NQO2: variants seen among roughly 807,000 people sequenced by gnomAD.
NQO2 encodes ribosyldihydronicotinamide dehydrogenase [quinone].
In NQO2, 18 loss-of-function variants were observed where a neutral mutation model predicts 22.0. That is an observed-to-expected ratio of 0.82 (90% CI 0.56 to 1.21). The LOEUF is 1.21. Among genes scored for constraint, NQO2 ranks in the 50% most tolerant of loss-of-function variants. The pLI is 0.00. For synonymous variants in NQO2, 106 were observed against 110.8 expected, an observed-to-expected ratio of 0.96 and a Z score of 0.28; for missense variants, 267 against 286.9, an observed-to-expected ratio of 0.93 and a Z score of 0.50.
At chr6:3,001,478 G>T (rs968463841) in intron 1 of NQO2, among the ~76,000 whole-genome samples, 4 of 152,006 alleles carry the variant, frequency 2.6e-5, no homozygotes, top group African/African-American at 9.7e-5. Context: ...TACATGAAAA[G>T]GAACAAGTAT....
intron 6 of NQO2, 149 bp downstream of exon 6, chr6:3,017,134 C>G: frequency 1.1e-6 from 1 of 911,752 alleles, no homozygotes; most frequent in Admixed American, 2.2e-5. Context: ...GCGTGATGCC[C>G]CACACCATTT....
chr6:3,007,548 A>T (rs1002756072), intron 2 of NQO2, among the ~76,000 whole-genome samples: 5 of 152,248 alleles, frequency 3.3e-5, no homozygotes, highest in African/African-American at 7.2e-5. Flanking sequence ...CAAGAGTTTA[A>T]CATCTTCTTA....
intron 5 of NQO2, among the ~76,000 whole-genome samples, chr6:3,016,477 T>C (rs1448740790): frequency 6.7e-6 from 1 of 149,528 alleles, no homozygotes; most frequent in Non-Finnish European, 1.5e-5. Flanking sequence ...TCTAAAAGCT[T>C]CAGAAAATAA....
In NQO2 at chr6:3,004,420, T is replaced by C. The variant is rs752406465; in HGVS notation, c.-85-2048T>C. The C allele has an allele frequency of 4.1e-4, 406 of 985,656 alleles. 1 individual carries two copies. Among genetic ancestry groups the C allele is most frequent in the Non-Finnish European group, 4.2e-4 (347 of 830,120 alleles). The allele number at this position is 985,656 out of a possible 1,614,324, so 61.1% of individuals were successfully genotyped here. Reference sequence around the variant, plus strand: ...CTCTTGGGGAGTGACAGTGCCCCACTCTGTTAAGTCCCATGCCTGCCCCCA... The same window carrying C: ...CTCTTGGGGAGTGACAGTGCCCCACCCTGTTAAGTCCCATGCCTGCCCCCA... On this transcript the variant is annotated intron_variant, in intron 1 of 6. Coordinates refer to ENST00000380455, the MANE Select transcript of NQO2 (RefSeq NM_000904.6).
chr6:3,017,940 T>C (rs10223369), intron 6 of NQO2, among the ~76,000 whole-genome samples: 108,409 of 152,040 alleles, frequency 0.71, 38,871 homozygotes, highest in African/African-American at 0.77. Flanking sequence ...TATTTGTCAG[T>C]GCTCTTCATA....
At chr6:3,004,586 C>T in intron 1 of NQO2, 1 of 985,560 alleles carries the variant, frequency 1.0e-6, no homozygotes, top group African/African-American at 1.7e-5. Flanking sequence ...TGCTCCTGGA[C>T]AGCTGGAGAT....
chr6:3,004,344 G>A (rs988133005), intron 1 of NQO2: 120 of 985,392 alleles, frequency 1.2e-4, no homozygotes, highest in Non-Finnish European at 1.4e-4. Context: ...AGCGAATGGG[G>A]AAGGATTTGA....
Position 3,006,919 on chromosome 6 carries a change from C to G in NQO2, c.7+360C>G. 1 of 405,158 alleles carries G rather than the reference C, an allele frequency of 2.5e-6. No individual in the cohort carries two copies. Among genetic ancestry groups the G allele is most frequent in the Non-Finnish European group, 4.4e-6 (1 of 229,866 alleles). The allele number at this position is 405,158 out of a possible 1,614,324, so 25.1% of individuals were successfully genotyped here. A position where few individuals can be genotyped will look rare whatever the true frequency, so the allele number is the denominator to read the frequency against. ...GTAGCAGGGGCTCAAGTGAATGAAC[C>G]CCAGGAGGCATCTTGGGTAAAAATT... On this transcript the variant is annotated intron_variant, in intron 2 of 6. Transcript: ENST00000380455. The surrounding 1 kb of genome is among the most constrained non-coding windows in gnomAD (Gnocchi z 4.0).
chr6:3,018,697 A>AAAGT (rs1310182396), intron 6 of NQO2, among the ~76,000 whole-genome samples: 1 of 152,162 alleles, frequency 6.6e-6, no homozygotes, highest in East Asian at 1.9e-4. Context: ...TTGAAAGGAA[A>AAAGT]AAGTACGTGA....
intron 4 of NQO2, 199 bp from the exon 5 acceptor site, chr6:3,015,331 A>G (rs1757285117): frequency 1.0e-6 from 1 of 985,290 alleles, no homozygotes; most frequent in South Asian, 4.7e-5. Context: ...TGTAACAGCA[A>G]CAAGGACCAT....
At chr6:3,003,140 C>G (rs1323661749) in intron 1 of NQO2, among the ~76,000 whole-genome samples, 1 of 152,172 alleles carries the variant, frequency 6.6e-6, no homozygotes, top group African/African-American at 2.4e-5. Context: ...GTAGAGCCTC[C>G]CAGCTAATGA....
At chr6:3,000,372 G>C (rs1482010997) in intron 1 of NQO2, 1 of 152,458 alleles carries the variant, frequency 6.6e-6, no homozygotes, top group Admixed American at 6.5e-5. Context: ...CCCAAGGTCA[G>C]TCTGTAAAGG....
At chr6:3,000,680 T>A (rs1756656476) in intron 1 of NQO2, among the ~76,000 whole-genome samples, 2 of 151,844 alleles carry the variant, frequency 1.3e-5, no homozygotes, top group South Asian at 2.1e-4. Flanking sequence ...TACCTGGGAT[T>A]ATAGGGGCGT....
At chr6:3,012,865 C>A (rs1298209145) in intron 4 of NQO2, among the ~76,000 whole-genome samples, 191 bp downstream of exon 4, 1 of 150,386 alleles carries the variant, frequency 6.6e-6, no homozygotes, top group Admixed American at 6.6e-5. Flanking sequence ...ACCACTTCAC[C>A]TAGTTACAAC....
intron 2 of NQO2, among the ~76,000 whole-genome samples, chr6:3,008,165 C>T (rs1054381169): frequency 6.6e-6 from 1 of 152,190 alleles, no homozygotes; most frequent in Non-Finnish European, 1.5e-5. Context: ...TACCAGTAAT[C>T]CCAGCACTCT....
chr6:3,014,114 C>T (rs1469286683), intron 4 of NQO2, among the ~76,000 whole-genome samples: 7 of 152,176 alleles, frequency 4.6e-5, no homozygotes, highest in Non-Finnish European at 8.8e-5. Flanking sequence ...AGGGGGTGAG[C>T]GGCATGTGAC....
At chr6:3,004,259 G>A (rs1581318871) in intron 1 of NQO2, 1 of 840,730 alleles carries the variant, frequency 1.2e-6, no homozygotes, top group Non-Finnish European at 1.4e-6. Context: ...ATCAATTCAG[G>A]GTCTGTCCTT....
intron 4 of NQO2, 61 bp downstream of exon 4, chr6:3,012,735 A>G (rs145132705): frequency 6.5e-7 from 1 of 1,530,996 alleles, no homozygotes; most frequent in African/African-American, 1.4e-5. Flanking sequence ...ACTCTTTCTG[A>G]ATATTGAGTT....
At chr6:3,016,860 A>G (rs1261084139) in intron 5 of NQO2, 24 bp from the exon 6 acceptor site, 3 of 1,611,720 alleles carry the variant, frequency 1.9e-6, no homozygotes, top group East Asian at 4.5e-5. Context: ...GTCCACACAA[A>G]TGCATCTGCT....
Sources: gnomAD v4.1 joint callset for allele counts (sites outside exome capture counted in the v4.1 genomes callset) on GRCh38, gnomAD v4.1.1 for gene constraint, Gnocchi (gnomAD v3.1) non-coding constraint, MANE v1.5 for transcripts, NCBI Gene and HGNC (gene_info 2026-07-23, HGNC 2026-07-21) for gene names.